MTA3: variants seen among roughly 807,000 people sequenced by gnomAD.
MTA3 encodes the protein metastasis-associated protein MTA3.
In MTA3, 34 loss-of-function variants were observed where a neutral mutation model predicts 83.5. That is an observed-to-expected ratio of 0.41 (90% CI 0.31 to 0.54). MTA3 has a LOEUF of 0.54. Among genes scored for constraint, MTA3 ranks in the 20% least tolerant of loss-of-function variants. The pLI is 0.33. For synonymous variants in MTA3, 303 were observed against 252.7 expected, an observed-to-expected ratio of 1.20 and a Z score of -1.89; for missense variants, 761 against 726.4, an observed-to-expected ratio of 1.05 and a Z score of -0.55.
chr2:42,522,624 C>T (rs1675478932), intron 2 of MTA3, among the ~76,000 whole-genome samples: 1 of 151,388 alleles, frequency 6.6e-6, no homozygotes, highest in African/African-American at 2.4e-5. Context: ...AGGGAGACCC[C>T]ATCTCTACAC....
At chr2:42,515,598 G>A (rs148287691) in intron 2 of MTA3, among the ~76,000 whole-genome samples, 1 of 151,592 alleles carries the variant, frequency 6.6e-6, no homozygotes, top group Admixed American at 6.6e-5. Flanking sequence ...TGCCTCCTAG[G>A]TTCAAGCGAT....
At chr2:42,624,665 C>A (rs1432485444) in intron 4 of MTA3, among the ~76,000 whole-genome samples, 1 of 152,116 alleles carries the variant, frequency 6.6e-6, no homozygotes, top group Admixed American at 6.6e-5. Flanking sequence ...TATAGCAGAG[C>A]TTCTCAACTT....
intron 16 of MTA3, among the ~76,000 whole-genome samples, chr2:42,730,634 G>T (rs565783236): frequency 6.6e-6 from 1 of 152,018 alleles, no homozygotes; most frequent in South Asian, 2.1e-4. Flanking sequence ...AGGTTTTTTC[G>T]TCAGTGTTCA....
chr2:42,499,689 T>G (rs1291668054), intron 2 of MTA3, among the ~76,000 whole-genome samples: 1 of 150,156 alleles, frequency 6.7e-6, no homozygotes, highest in Admixed American at 6.6e-5. Context: ...TTGGGGAGGC[T>G]GAGCAGGAGA....
At chr2:42,573,832 T>G (rs1678748410) in intron 2 of MTA3, among the ~76,000 whole-genome samples, 1 of 151,344 alleles carries the variant, frequency 6.6e-6, no homozygotes, top group Non-Finnish European at 1.5e-5. Flanking sequence ...CTTTCTTTCT[T>G]TTTTGAGATG....
intron 2 of MTA3, among the ~76,000 whole-genome samples, chr2:42,498,551 C>T (rs749185002): frequency 5.3e-5 from 8 of 152,270 alleles, no homozygotes; most frequent in African/African-American, 9.6e-5. Flanking sequence ...ACGGGGGAGG[C>T]GCACACATGC....
intron 2 of MTA3, among the ~76,000 whole-genome samples, chr2:42,573,768 C>T (rs1054961250): frequency 6.6e-6 from 1 of 152,134 alleles, no homozygotes; most frequent in Non-Finnish European, 1.5e-5. Flanking sequence ...GCCTTGGCCT[C>T]CCAAAGTGCT....
chr2:42,653,680 T>G (rs938277344), intron 6 of MTA3, among the ~76,000 whole-genome samples: 8 of 152,210 alleles, frequency 5.3e-5, no homozygotes, highest in Non-Finnish European at 1.0e-4. Context: ...TATTATTGTT[T>G]ACAGTGAATT....
intron 2 of MTA3, among the ~76,000 whole-genome samples, chr2:42,530,292 G>T (rs549713768): frequency 6.6e-6 from 1 of 151,078 alleles, no homozygotes; most frequent in Non-Finnish European, 1.5e-5. Flanking sequence ...GATTGAGACC[G>T]TCCTGGCTAA....
Position 42,682,688 on chromosome 2 carries a change from G to A in MTA3, c.891+99G>A, listed in dbSNP as rs1339994793. On this transcript the variant is annotated intron_variant, in intron 9 of 16. Coordinates refer to ENST00000405094, the MANE Select transcript of MTA3 (RefSeq NM_001330442.2). ...CAGTATTCATTTAGCAAGTTTGTGA[G>A]TTAATAGTTTTTATCTGCTCAAAGT... 64 of 1,108,394 alleles carry A rather than the reference G, an allele frequency of 5.8e-5. No homozygotes were observed. In the South Asian group the frequency reaches 8.6e-4, roughly 15 times the overall value. 68.7% of individuals were successfully genotyped at this position (1,108,394 alleles called of 1,614,324 possible). A position where few individuals can be genotyped will look rare whatever the true frequency, so the allele number is the denominator to read the frequency against.
chr2:42,521,074 G>C (rs1050763601), intron 2 of MTA3, among the ~76,000 whole-genome samples: 8 of 152,206 alleles, frequency 5.3e-5, no homozygotes, highest in Non-Finnish European at 1.0e-4. Flanking sequence ...CCCCTTGAGT[G>C]GGGATTGGAC....
chr2:42,711,653 T>C (rs59720642), intron 14 of MTA3, among the ~76,000 whole-genome samples: 2 of 152,206 alleles, frequency 1.3e-5, no homozygotes, highest in African/African-American at 2.4e-5. Flanking sequence ...TCTGTTCTTA[T>C]ACTTACCTTG....
At chr2:42,697,898 C>A in intron 11 of MTA3, 64 bp downstream of exon 11, 1 of 1,205,750 alleles carries the variant, frequency 8.3e-7, no homozygotes, top group Admixed American at 3.3e-5. Flanking sequence ...CAGAATATGT[C>A]ATTTTGTTCA....
At chr2:42,616,141 A>G (rs1037937294) in intron 4 of MTA3, among the ~76,000 whole-genome samples, 1 of 144,508 alleles carries the variant, frequency 6.9e-6, no homozygotes, top group Non-Finnish European at 1.5e-5. Flanking sequence ...GCTCACTGCA[A>G]CTCCGCCTCC....
In MTA3 at chr2:42,753,416, T is replaced by C. The variant is rs757565198; in HGVS notation, c.*17T>C. On this transcript the variant is annotated 3_prime_UTR_variant, in exon 17 of 17. Coordinates refer to ENST00000405094, the MANE Select transcript of MTA3 (RefSeq NM_001330442.2). ...TCAGACTGAGCTTTCCCTGATTCAT[T>C]CTACAATCCAAGACTTGCTGCACTG... is the stretch of plus-strand genomic sequence containing the variant. The C allele has an allele frequency of 6.4e-7, 1 of 1,550,602 alleles. No homozygotes were observed.
chr2:42,567,695 G>A (rs74797822), upstream of MTA3, among the ~76,000 whole-genome samples: 1,015 of 152,124 alleles, frequency 6.7e-3, 6 homozygotes, highest in African/African-American at 0.023. Flanking sequence ...GAAAACAGAG[G>A]TTGTTTAGAG....
intron 2 of MTA3, among the ~76,000 whole-genome samples, chr2:42,539,799 C>A (rs913209877): frequency 1.3e-5 from 2 of 151,956 alleles, no homozygotes; most frequent in Non-Finnish European, 2.9e-5. Flanking sequence ...TCTTGAACTC[C>A]TGGACTCAAG....
chr2:42,611,342 C>CACACACAA (rs1426723379), intron 4 of MTA3, among the ~76,000 whole-genome samples: 3 of 150,010 alleles, frequency 2.0e-5, no homozygotes, highest in Non-Finnish European at 4.4e-5. Flanking sequence ...CACACACACC[C>CACACACAA]CCTCACACAC....
At position 42,754,126 on chromosome 2, in the gene MTA3, T is replaced by C; in HGVS notation, c.*727T>C. 1 of 985,456 alleles carries C rather than the reference T, an allele frequency of 1.0e-6. No individual in the cohort carries two copies. The highest frequency in any genetic ancestry group is 4.7e-5 in the South Asian group (1 of 21,288). 61.0% of individuals were successfully genotyped at this position (985,456 alleles called of 1,614,324 possible). A position where few individuals can be genotyped will look rare whatever the true frequency, so the allele number is the denominator to read the frequency against. Reference sequence around the variant, plus strand: ...TGGTGTTCTGCCCGGCTCTGCTTGGTCACAGACAGCTCCAGCAAGAGCAGT... The same window carrying C: ...TGGTGTTCTGCCCGGCTCTGCTTGGCCACAGACAGCTCCAGCAAGAGCAGT... On this transcript the variant is annotated 3_prime_UTR_variant, in exon 17 of 17. Transcript: ENST00000405094.
Sources: allele counts gnomAD v4.1 joint callset (sites outside exome capture counted in the v4.1 genomes callset), GRCh38; gene constraint gnomAD v4.1.1; transcripts MANE v1.5; gene names NCBI Gene and HGNC (gene_info 2026-07-23, HGNC 2026-07-21).